The following C11orf65 variants were observed in gnomAD, a reference collection of about 807,000 sequenced individuals.
C11orf65 encodes chromosome 11 open reading frame 65, also known as protein MFI.
Under a neutral mutation model 35.3 loss-of-function variants are expected in C11orf65, and 38 were observed. The ratio of observed to expected loss-of-function variants is 1.08; its 90% confidence interval spans 0.83 to 1.41. The LOEUF (loss-of-function observed/expected upper bound fraction) is 1.41. Ranked by LOEUF, C11orf65 falls within the 40% of genes most tolerant of loss-of-function variation. The pLI is 0.00. For missense variants in C11orf65, 370 were observed against 367.1 expected (o/e 1.01, Z -0.06); for synonymous variants, 105 against 114.4 (o/e 0.92, Z 0.53).
chr11:108,438,879 G>A (rs1181828905), intron 2 of C11orf65, among the ~76,000 whole-genome samples: 2 of 151,498 alleles, frequency 1.3e-5, no homozygotes, highest in African/African-American at 2.4e-5. Context: ...GGTGGTGGTC[G>A]CCTGTAGTCC....
At chr11:108,381,041 C>T (rs1350025533), downstream of C11orf65, among the ~76,000 whole-genome samples, 3 of 152,140 alleles carry the variant, frequency 2.0e-5, no homozygotes, top group African/African-American at 7.2e-5. Flanking sequence ...GTTAAATTGG[C>T]CTGTTAAGGA....
chr11:108,350,851 G>A (rs1393801747), intron 2 of C11orf65, among the ~76,000 whole-genome samples: 1 of 151,770 alleles, frequency 6.6e-6, no homozygotes, highest in African/African-American at 2.4e-5. Flanking sequence ...AGGGTAAATT[G>A]GTACAACCCC....
At chr11:108,393,120 G>T in intron 7 of C11orf65, 88 bp downstream of exon 7, 2 of 1,342,746 alleles carry the variant, frequency 1.5e-6, no homozygotes, top group South Asian at 1.7e-5. Flanking sequence ...ATTGTTTGTG[G>T]CCCCAAGATT....
chr11:108,420,442 A>G (rs376520185), intron 3 of C11orf65, among the ~76,000 whole-genome samples: 3 of 152,104 alleles, frequency 2.0e-5, no homozygotes, highest in Non-Finnish European at 2.9e-5. Context: ...TACTGCCACA[A>G]TGGCTTCTAG....
chr11:108,363,751 A>C (rs2091049256), intron 2 of C11orf65, among the ~76,000 whole-genome samples: 1 of 152,142 alleles, frequency 6.6e-6, no homozygotes, highest in Non-Finnish European at 1.5e-5. Flanking sequence ...ACTGAAACAT[A>C]ATTTTTTACT....
At chr11:108,309,167 G>GTATGTTGGGCAAAAACAAAGAACAACAAT (rs2083932275) in intron 6 of C11orf65, 1 of 637,104 alleles carries the variant, frequency 1.6e-6, no homozygotes, top group African/African-American at 1.8e-5. Flanking sequence ...ATCCTGTACA[G>GTATGTTGGGCAAAAACAAAGAACAACAAT]TATGTTGGGC....
chr11:108,341,547 TAATC>T (rs1555133930), intron 2 of C11orf65, among the ~76,000 whole-genome samples: 3 of 152,134 alleles, frequency 2.0e-5, no homozygotes, highest in Non-Finnish European at 4.4e-5. Flanking sequence ...GTTAATAAAT[TAATC>T]AAATGCTTCC....
At chr11:108,381,800 T>TA (rs1462134953), downstream of C11orf65, among the ~76,000 whole-genome samples, 2 of 152,226 alleles carry the variant, frequency 1.3e-5, no homozygotes, top group Non-Finnish European at 2.9e-5. Context: ...ATCTTCCTTT[T>TA]AAGAGATAGA....
chr11:108,400,799 G>C (rs1351436162), intron 6 of C11orf65, among the ~76,000 whole-genome samples: 1 of 152,104 alleles, frequency 6.6e-6, no homozygotes, highest in Non-Finnish European at 1.5e-5. Context: ...CCACCACAGA[G>C]TTCATCAAGA....
chr11:108,353,540 C>T (rs2089460493), intron 2 of C11orf65, among the ~76,000 whole-genome samples: 1 of 152,142 alleles, frequency 6.6e-6, no homozygotes, highest in Non-Finnish European at 1.5e-5. Context: ...CTAGATTTCT[C>T]TAGTTGGGTT....
chr11:108,465,530 C>A (rs532129782), intron 1 of C11orf65, among the ~76,000 whole-genome samples: 9 of 152,214 alleles, frequency 5.9e-5, no homozygotes, highest in East Asian at 5.8e-4. Context: ...AGTGACTGTA[C>A]AGGCACTGCT....
In C11orf65 at chr11:108,317,486, G is replaced by A. The variant is rs1555114766; in HGVS notation, c.641-8415C>T. The A allele has an allele frequency of 6.2e-7, 1 of 1,611,534 alleles. No homozygotes were observed. Among genetic ancestry groups the A allele is most frequent in the Non-Finnish European group, 8.5e-7 (1 of 1,179,172 alleles). ...AAGAACTTCATTACCAAGCAGCATG[G>A]AGGAATATGCAGTGGGACCATTGCA... On this transcript the variant is annotated intron_variant, in intron 6 of 6. Transcript: ENST00000525729.
At position 108,382,983 on chromosome 11, in the gene C11orf65, G is replaced by T; in HGVS notation, c.*38C>A. 1 of 1,606,792 alleles carries T rather than the reference G, an allele frequency of 6.2e-7. No individual in the cohort carries two copies. Among genetic ancestry groups the T allele is most frequent in the Non-Finnish European group, 8.5e-7 (1 of 1,177,556 alleles). The stretch of plus-strand genomic sequence containing the variant: ...CTTGGCTATAACTGATGGATGGAAG[G>T]CTCAAAGGGCTATAACTCAGAATAG... On this transcript the variant is annotated 3_prime_UTR_variant, in exon 9 of 9. Transcript: ENST00000393084.
chr11:108,441,470 G>A (rs1239312793), intron 2 of C11orf65, among the ~76,000 whole-genome samples: 1 of 152,224 alleles, frequency 6.6e-6, no homozygotes, highest in African/African-American at 2.4e-5. Flanking sequence ...TTTGAAAAGA[G>A]TAGTTGTTAT....
chr11:108,432,037 T>C (rs1456420235), intron 2 of C11orf65, among the ~76,000 whole-genome samples, 199 bp from the exon 3 acceptor site: 1 of 152,178 alleles, frequency 6.6e-6, no homozygotes, highest in Non-Finnish European at 1.5e-5. Context: ...ACAAAGAGAT[T>C]TATTCTTAAA....
chr11:108,315,978 AC>A, intron 6 of C11orf65: 1 of 1,611,206 alleles, frequency 6.2e-7, no homozygotes, highest in Non-Finnish European at 8.5e-7. Flanking sequence ...TGTGTGTAAA[AC>A]CCAAAGCTAT....
intron 2 of C11orf65, among the ~76,000 whole-genome samples, chr11:108,460,126 A>G (rs1469781855): frequency 6.6e-6 from 1 of 152,110 alleles, no homozygotes; most frequent in Non-Finnish European, 1.5e-5. Context: ...ATATTATTTT[A>G]GTGTTAGAAA....
chr11:108,354,070 A>AACACACACACACACACACAC (rs71047689), intron 2 of C11orf65, among the ~76,000 whole-genome samples: 4 of 114,812 alleles, frequency 3.5e-5, no homozygotes, highest in Non-Finnish European at 3.9e-5. Context: ...CACACACACA[A>AACACACACACACACACACAC]ACACACACAC....
chr11:108,382,768 T>C lies in C11orf65; in HGVS notation c.*253A>G. 1.0e-6 allele frequency: 1 copy of C among 983,892 alleles called. No individual in the cohort carries two copies. Among genetic ancestry groups the C allele is most frequent in the Non-Finnish European group, 1.2e-6 (1 of 828,530 alleles). The allele number at this position is 983,892 out of a possible 1,614,324, so 60.9% of individuals were successfully genotyped here. A position where few individuals can be genotyped will look rare whatever the true frequency, so the allele number is the denominator to read the frequency against. On this transcript the variant is annotated 3_prime_UTR_variant, in exon 9 of 9. Coordinates refer to ENST00000393084, the MANE Select transcript of C11orf65 (RefSeq NM_152587.5). ...GTCTGAAGCTTCTTGCACCTAAATG[T>C]AGTCTCTTTACTTAAGTGTGACTGT...
Sources: allele counts gnomAD v4.1 joint callset (sites outside exome capture counted in the v4.1 genomes callset), GRCh38; gene constraint gnomAD v4.1.1; transcripts MANE v1.5; gene names NCBI Gene and HGNC (gene_info 2026-07-23, HGNC 2026-07-21).